CSGALNACT1: variants seen among roughly 807,000 people sequenced by gnomAD.
CSGALNACT1 encodes the protein beta4GalNAcT-1.
Under a neutral mutation model 51.0 loss-of-function variants are expected in CSGALNACT1, and 52 were observed. The observed-to-expected ratio is 1.02, with a 90% CI of 0.82 to 1.29. The LOEUF (loss-of-function observed/expected upper bound fraction) is 1.29. CSGALNACT1 is among the 50% of genes most tolerant of loss of function. CSGALNACT1 has a pLI of 0.00. For missense variants in CSGALNACT1, 935 were observed against 679.2 expected (o/e 1.38, Z -4.19); for synonymous variants, 341 against 254.4 (o/e 1.34, Z -3.24).
At chr8:19,658,070 A>C (rs951387462) in intron 1 of CSGALNACT1, among the ~76,000 whole-genome samples, 22 of 138,440 alleles carry the variant, frequency 1.6e-4, no homozygotes, top group Middle Eastern at 3.8e-3. Context: ...TCCAAAAAAA[A>C]AAAAAAAAAA....
chr8:19,494,802 T>C (rs1308282807), intron 4 of CSGALNACT1, among the ~76,000 whole-genome samples: 6 of 148,712 alleles, frequency 4.0e-5, no homozygotes, highest in East Asian at 2.0e-4. Context: ...TTCCATAGCA[T>C]TGAGAAACCA....
intron 4 of CSGALNACT1, among the ~76,000 whole-genome samples, chr8:19,502,761 T>A (rs1376494827): frequency 2.0e-5 from 3 of 152,142 alleles, no homozygotes; most frequent in Admixed American, 2.0e-4. Flanking sequence ...AGAACACAAA[T>A]CTCAAACCAG....
intron 1 of CSGALNACT1, among the ~76,000 whole-genome samples, chr8:19,677,298 A>G (rs751600418): frequency 5.3e-5 from 8 of 152,174 alleles, no homozygotes; most frequent in Non-Finnish European, 1.0e-4. Flanking sequence ...TTTTACAGAG[A>G]CAGCATTTTG....
At chr8:19,725,904 A>G (rs2063374637) in intron 1 of CSGALNACT1, among the ~76,000 whole-genome samples, 1 of 152,152 alleles carries the variant, frequency 6.6e-6, no homozygotes, top group Non-Finnish European at 1.5e-5. Context: ...ACACATCATT[A>G]TCACCCAAAG....
intron 3 of CSGALNACT1, among the ~76,000 whole-genome samples, chr8:19,545,007 T>G (rs1208677858): frequency 1.3e-5 from 2 of 152,094 alleles, no homozygotes; most frequent in Non-Finnish European, 2.9e-5. Flanking sequence ...TCAGACATTT[T>G]TTTTTTTTCC....
At chr8:19,567,388 G>A (rs1359652762) in intron 3 of CSGALNACT1, among the ~76,000 whole-genome samples, 8 of 152,186 alleles carry the variant, frequency 5.3e-5, no homozygotes, top group Non-Finnish European at 8.8e-5. Flanking sequence ...ATGAGAGTGA[G>A]TCAGGACTGC....
chr8:19,586,716 G>C (rs187346675), intron 3 of CSGALNACT1, among the ~76,000 whole-genome samples: 2 of 152,148 alleles, frequency 1.3e-5, no homozygotes, highest in African/African-American at 4.8e-5. Flanking sequence ...CTGCTGGGTG[G>C]GATATTGTAC....
intron 3 of CSGALNACT1, chr8:19,585,314 A>C (rs942015657): frequency 6.6e-6 from 1 of 152,232 alleles, no homozygotes; most frequent in African/African-American, 2.4e-5. Context: ...AAATCCTGGC[A>C]TAACTTCTGT....
chr8:19,405,081 G>C (rs973889366), exon 10 of CSGALNACT1: 1 of 453,716 alleles, frequency 2.2e-6, no homozygotes, highest in Non-Finnish European at 4.4e-6. Context: ...AGGCCAACTT[G>C]TGCTCTCTTG....
At chr8:19,605,140 C>T (rs11786385), upstream of CSGALNACT1, among the ~76,000 whole-genome samples, 1 of 152,146 alleles carries the variant, frequency 6.6e-6, no homozygotes, top group African/African-American at 2.4e-5. Context: ...AAAGCAAAAA[C>T]TAAATCCAGG....
intron 1 of CSGALNACT1, among the ~76,000 whole-genome samples, chr8:19,671,393 A>T (rs1444974506): frequency 6.6e-6 from 1 of 152,236 alleles, no homozygotes; most frequent in Non-Finnish European, 1.5e-5. Context: ...TTCAAGCTCC[A>T]ATTACAGAGG....
chr8:19,517,075 C>T (rs1025700948), intron 3 of CSGALNACT1, among the ~76,000 whole-genome samples: 8 of 152,028 alleles, frequency 5.3e-5, no homozygotes, highest in Non-Finnish European at 1.0e-4. Flanking sequence ...ATATCAAGTT[C>T]GAAGCATCTC....
At position 19,629,195 on chromosome 8, in the gene CSGALNACT1, C is replaced by A. The variant is rs529425900; in HGVS notation, c.-543-27330G>T. On this transcript the variant is annotated intron_variant, in intron 1 of 9. Transcript: ENST00000332246. ...CAGGACAAATGAAAGAGACTTAAAT[C>A]GAAAAAAACCGTTTAGTTTGACATT... is the stretch of plus-strand genomic sequence containing the variant. 1.1e-3 allele frequency among the ~76,000 whole-genome samples: 173 copies of A among 151,994 alleles called. 1 individual carries two copies. Among genetic ancestry groups the A allele is most frequent in the African/African-American group, 3.9e-3 (163 of 41,474 alleles).
intron 1 of CSGALNACT1, among the ~76,000 whole-genome samples, chr8:19,654,818 T>A (rs1011521130): frequency 6.6e-6 from 1 of 152,120 alleles, no homozygotes; most frequent in African/African-American, 2.4e-5. Context: ...AGTGCTAGGA[T>A]TACAGGCATG....
chr8:19,530,883 C>A (rs908904585), intron 3 of CSGALNACT1, among the ~76,000 whole-genome samples: 2 of 152,138 alleles, frequency 1.3e-5, no homozygotes, highest in Admixed American at 1.3e-4. Flanking sequence ...CAAATATTTC[C>A]CTGCAATCTG....
chr8:19,415,269 C>G (rs991927422), intron 8 of CSGALNACT1, among the ~76,000 whole-genome samples: 2 of 152,192 alleles, frequency 1.3e-5, no homozygotes, highest in Non-Finnish European at 2.9e-5. Context: ...AGGCCAGTCC[C>G]CCGTAGGCAG....
At chr8:19,433,578 T>C (rs1235257828) in intron 6 of CSGALNACT1, among the ~76,000 whole-genome samples, 6 of 152,170 alleles carry the variant, frequency 3.9e-5, no homozygotes, top group Admixed American at 6.5e-5. Flanking sequence ...CTGAAGAAAA[T>C]ACTTTCTGCA....
chr8:19,701,824 C>T (rs940092120), intron 1 of CSGALNACT1, among the ~76,000 whole-genome samples: 1 of 152,148 alleles, frequency 6.6e-6, no homozygotes, highest in African/African-American at 2.4e-5. Flanking sequence ...AATCTGGTTC[C>T]AGAATCCATG....
chr8:19,504,799 G>A (rs2077003928), intron 4 of CSGALNACT1, among the ~76,000 whole-genome samples: 1 of 152,170 alleles, frequency 6.6e-6, no homozygotes, highest in Non-Finnish European at 1.5e-5. Flanking sequence ...AAGAATAAGT[G>A]TGGCTGGCAC....
Sources: gnomAD v4.1 joint callset for allele counts (sites outside exome capture counted in the v4.1 genomes callset) on GRCh38, gnomAD v4.1.1 for gene constraint, MANE v1.5 for transcripts, NCBI Gene and HGNC (gene_info 2026-07-23, HGNC 2026-07-21) for gene names.